TBL1XR1: variants seen among roughly 807,000 people sequenced by gnomAD.
TBL1XR1 encodes the protein TBL1X/Y related 1.
TBL1XR1 carries 5 observed loss-of-function variants against 66.9 expected under a neutral mutation model. The observed-to-expected ratio is 0.07, with a 90% CI of 0.04 to 0.16. TBL1XR1 has a LOEUF of 0.16. Among genes scored for constraint, TBL1XR1 ranks in the 10% least tolerant of loss-of-function variants. TBL1XR1 has a pLI of 1.00. For missense variants in TBL1XR1, 238 were observed against 623.2 expected, an observed-to-expected ratio of 0.38 and a Z score of 6.58; for synonymous variants, 210 against 206.0, an observed-to-expected ratio of 1.02 and a Z score of -0.17.
At chr3:177,051,358 C>T in intron 5 of TBL1XR1, 146 bp downstream of exon 5, 2 of 660,074 alleles carry the variant, frequency 3.0e-6, no homozygotes, top group South Asian at 2.5e-5. Context: ...AGGCTTAGTA[C>T]CTGGGTGATG....
intron 1 of TBL1XR1, among the ~76,000 whole-genome samples, chr3:177,129,232 T>G (rs1458780090): frequency 6.6e-6 from 1 of 152,104 alleles, no homozygotes; most frequent in Non-Finnish European, 1.5e-5. Context: ...CAGGACTAGA[T>G]GAAGAAAACA....
chr3:177,123,199 G>C (rs1446283517), intron 1 of TBL1XR1, among the ~76,000 whole-genome samples: 1 of 152,026 alleles, frequency 6.6e-6, no homozygotes. Flanking sequence ...TTTTAAAAAT[G>C]TACAGTAACT....
chr3:177,178,455 G>A (rs1734416564), intron 1 of TBL1XR1, among the ~76,000 whole-genome samples: 2 of 151,986 alleles, frequency 1.3e-5, no homozygotes. Context: ...GAAAAAAAAA[G>A]GAAGACCATC....
chr3:177,172,249 A>G (rs1265890173), intron 1 of TBL1XR1, among the ~76,000 whole-genome samples: 1 of 129,666 alleles, frequency 7.7e-6, no homozygotes, highest in Non-Finnish European at 1.6e-5. Flanking sequence ...AGACAAAGCA[A>G]AACTCCCACC....
chr3:177,035,846 T>C (rs575177300), intron 12 of TBL1XR1, among the ~76,000 whole-genome samples: 2 of 152,264 alleles, frequency 1.3e-5, no homozygotes, highest in East Asian at 3.9e-4. Context: ...CCTGGAGAGT[T>C]CTGTAAACAG....
intron 2 of TBL1XR1, among the ~76,000 whole-genome samples, chr3:177,076,715 A>T (rs1720748897): frequency 6.6e-6 from 1 of 152,204 alleles, no homozygotes; most frequent in African/African-American, 2.4e-5. Context: ...GAATCCCCTT[A>T]AAACAAAAAA....
At chr3:177,034,085 A>G (rs1193846151) in intron 13 of TBL1XR1, 113 bp downstream of exon 13, 5 of 1,181,054 alleles carry the variant, frequency 4.2e-6, no homozygotes, top group South Asian at 3.1e-5. Context: ...GAAATTGGAA[A>G]AAAAAAAAAA....
At chr3:177,165,380 G>T (rs537784446) in intron 1 of TBL1XR1, among the ~76,000 whole-genome samples, 1 of 152,234 alleles carries the variant, frequency 6.6e-6, no homozygotes, top group South Asian at 2.1e-4. Flanking sequence ...CCATTTCCTT[G>T]GATAGAAGAC....
chr3:177,078,209 C>T (rs1720926978), intron 2 of TBL1XR1, among the ~76,000 whole-genome samples: 1 of 152,098 alleles, frequency 6.6e-6, no homozygotes. Flanking sequence ...AAATCAGCAG[C>T]CTGTATCTTA....
At chr3:177,178,056 G>A (rs1042689035) in intron 1 of TBL1XR1, among the ~76,000 whole-genome samples, 1 of 152,164 alleles carries the variant, frequency 6.6e-6, no homozygotes, top group Non-Finnish European at 1.5e-5. Flanking sequence ...CAATCTCAGG[G>A]CAGAGTATGA....
At chr3:177,050,245 CA>C in intron 6 of TBL1XR1, 107 bp from the exon 7 acceptor site, 1 of 1,397,532 alleles carries the variant, frequency 7.2e-7, no homozygotes, top group Non-Finnish European at 9.7e-7. Context: ...AAACGACTAT[CA>C]CGAATTTTCA....
At chr3:177,161,575 G>A (rs1379396754) in intron 1 of TBL1XR1, among the ~76,000 whole-genome samples, 2 of 152,142 alleles carry the variant, frequency 1.3e-5, no homozygotes, top group African/African-American at 4.8e-5. Context: ...CTGAGGTCAG[G>A]AGTTTGAGAC....
intron 1 of TBL1XR1, among the ~76,000 whole-genome samples, chr3:177,112,784 C>A (rs1725813183): frequency 1.3e-5 from 2 of 152,070 alleles, no homozygotes; most frequent in Non-Finnish European, 2.9e-5. Flanking sequence ...GCGGGCGGAT[C>A]ACGAAGTCAG....
At chr3:177,053,730 T>C (rs1053778421) in intron 4 of TBL1XR1, 43 bp downstream of exon 4, 1 of 1,572,542 alleles carries the variant, frequency 6.4e-7, no homozygotes, top group East Asian at 2.3e-5. Flanking sequence ...TAACGGCATA[T>C]TTAAGATGAA....
At chr3:177,151,949 G>C (rs936591461) in intron 1 of TBL1XR1, among the ~76,000 whole-genome samples, 86 of 152,212 alleles carry the variant, frequency 5.7e-4, no homozygotes, top group African/African-American at 1.9e-3. Flanking sequence ...ACTTGAACCT[G>C]GGAGGTGGAA....
intron 2 of TBL1XR1, among the ~76,000 whole-genome samples, chr3:177,081,872 T>A (rs1316730161): frequency 6.6e-6 from 1 of 152,116 alleles, no homozygotes; most frequent in Non-Finnish European, 1.5e-5. Flanking sequence ...AAAATTTAAG[T>A]CTAACTGAAC....
intron 2 of TBL1XR1, among the ~76,000 whole-genome samples, chr3:177,078,018 C>T (rs1441407610): frequency 6.6e-6 from 1 of 152,200 alleles, no homozygotes; most frequent in Non-Finnish European, 1.5e-5. Flanking sequence ...CTATACACCT[C>T]ACAGGTGGGA....
chr3:177,181,049 C>T (rs1377074533), intron 1 of TBL1XR1, among the ~76,000 whole-genome samples: 1 of 152,042 alleles, frequency 6.6e-6, no homozygotes, highest in Non-Finnish European at 1.5e-5. Flanking sequence ...ACCCGCTATC[C>T]TGGATATTTT....
chr3:177,120,435 G>A (rs1726851685), intron 1 of TBL1XR1, among the ~76,000 whole-genome samples: 1 of 152,120 alleles, frequency 6.6e-6, no homozygotes, highest in African/African-American at 2.4e-5. Context: ...GGCAAAGGCT[G>A]GACTACAACC....
Sources: allele counts gnomAD v4.1 joint callset (sites outside exome capture counted in the v4.1 genomes callset), GRCh38; gene constraint gnomAD v4.1.1; transcripts MANE v1.5; gene names NCBI Gene and HGNC (gene_info 2026-07-23, HGNC 2026-07-21).